EML6: variants seen among roughly 807,000 people sequenced by gnomAD.
EML6 encodes the protein EMAP like 6, also known as echinoderm microtubule-associated protein-like 6.
In EML6, 154 loss-of-function variants were observed where a neutral mutation model predicts 240.1. The ratio of observed to expected loss-of-function variants is 0.64; its 90% CI spans 0.56 to 0.73. EML6 has a LOEUF of 0.73. EML6 is among the 30% of genes least tolerant of loss of function. EML6 has a pLI of 0.00. For missense variants in EML6, 2,964 were observed against 2,474.6 expected, an observed-to-expected ratio of 1.20 and a Z score of -4.20; for synonymous variants, 1,148 against 899.0, an observed-to-expected ratio of 1.28 and a Z score of -4.95.
At chr2:54,748,016 G>C (rs1683995898) in intron 2 of EML6, among the ~76,000 whole-genome samples, 3 of 152,128 alleles carry the variant, frequency 2.0e-5, no homozygotes. Flanking sequence ...ACTTTAAAAT[G>C]TGCAAGGTAT....
intron 8 of EML6, among the ~76,000 whole-genome samples, chr2:54,844,822 C>T (rs184506719): frequency 6.6e-6 from 1 of 152,240 alleles, no homozygotes; most frequent in East Asian, 1.9e-4. Flanking sequence ...TTTTGAGAGC[C>T]CAACTGGGTA....
At chr2:54,885,038 T>A (rs1392993823) in intron 17 of EML6, among the ~76,000 whole-genome samples, 1 of 152,082 alleles carries the variant, frequency 6.6e-6, no homozygotes, top group Non-Finnish European at 1.5e-5. Context: ...GGTGCTGTAG[T>A]CCCAGCTGCT....
chr2:54,847,482 C>G lies in EML6; in HGVS notation c.1050-4C>G. ...TTTTGTTTTGACTTCGTTCTTGTGCCTAGGCTGTGGAGCCTGGCTGATCAT... is the reference window on the plus strand; with the variant it reads ...TTTTGTTTTGACTTCGTTCTTGTGCGTAGGCTGTGGAGCCTGGCTGATCAT... On this transcript the variant is annotated splice_region_variant and splice_polypyrimidine_tract_variant and intron_variant, in intron 8 of 41. Coordinates refer to ENST00000356458, the MANE Select transcript of EML6 (RefSeq NM_001039753.4). The G allele has an allele frequency of 6.4e-7, 1 of 1,551,102 alleles. No individual in the cohort carries two copies. Among genetic ancestry groups the G allele is most frequent in the Non-Finnish European group, 8.7e-7 (1 of 1,146,970 alleles).
intron 2 of EML6, among the ~76,000 whole-genome samples, chr2:54,744,369 T>C (rs897367510): frequency 1.3e-5 from 2 of 152,096 alleles, no homozygotes; most frequent in African/African-American, 4.8e-5. Context: ...CCCCGAGGGA[T>C]AAATTTGCAG....
chr2:54,960,406 T>G (rs1436928160), intron 35 of EML6, 72 bp downstream of exon 35: 2 of 1,120,998 alleles, frequency 1.8e-6, no homozygotes, highest in East Asian at 5.1e-5. Flanking sequence ...CAGCCGGCAC[T>G]TTCTCTGGGC....
chr2:54,941,612 A>C (rs1675431099), intron 28 of EML6, among the ~76,000 whole-genome samples: 1 of 152,216 alleles, frequency 6.6e-6, no homozygotes, highest in Non-Finnish European at 1.5e-5. Flanking sequence ...TGGCCCAATA[A>C]ATGGGGAGGA....
chr2:54,885,681 G>A (rs1381155697), intron 17 of EML6, among the ~76,000 whole-genome samples: 2 of 151,610 alleles, frequency 1.3e-5, no homozygotes, highest in African/African-American at 2.4e-5. Flanking sequence ...GCGCTATCTC[G>A]GCTCACTGCA....
intron 28 of EML6, among the ~76,000 whole-genome samples, chr2:54,933,158 C>G (rs1471173854): frequency 6.6e-6 from 1 of 152,170 alleles, no homozygotes; most frequent in Non-Finnish European, 1.5e-5. Flanking sequence ...AGAACTGCCT[C>G]TGATTCACAA....
chr2:54,767,317 A>G (rs1430951604), intron 2 of EML6, among the ~76,000 whole-genome samples: 2 of 152,196 alleles, frequency 1.3e-5, no homozygotes, highest in East Asian at 3.8e-4. Flanking sequence ...TAATGCATCA[A>G]CATAGATATT....
intron 2 of EML6, among the ~76,000 whole-genome samples, chr2:54,768,483 G>T (rs964831701): frequency 6.6e-6 from 1 of 152,120 alleles, no homozygotes; most frequent in African/African-American, 2.4e-5. Context: ...GCAACACAGT[G>T]ACAAGAACAC....
rs1668670641 is a variant in EML6, at chr2:54,827,833, T to C, written c.711+82T>C. On this transcript the variant is annotated intron_variant, in intron 6 of 41. Transcript: ENST00000356458. The stretch of plus-strand genomic sequence containing the variant: ...AATCCCTCCCTGTATGTTTCCCTTC[T>C]TGCTTTAGAATCAGAGAACCCTGCT... The C allele has an allele frequency of 3.9e-6, 4 of 1,014,580 alleles. No individual in the cohort carries two copies. In the South Asian group the frequency reaches 6.2e-5, roughly 16 times the overall value. 62.8% of individuals were successfully genotyped at this position (1,014,580 alleles called of 1,614,324 possible).
At chr2:54,928,857 CT>C in intron 28 of EML6, 106 bp downstream of exon 28, 1 of 1,340,256 alleles carries the variant, frequency 7.5e-7, no homozygotes, top group Non-Finnish European at 1.0e-6. Flanking sequence ...TTAAGTCAGT[CT>C]TTTATAAATC....
chr2:54,860,229 C>G (rs1424747345), intron 12 of EML6, among the ~76,000 whole-genome samples: 1 of 152,164 alleles, frequency 6.6e-6, no homozygotes, highest in Non-Finnish European at 1.5e-5. Flanking sequence ...TGCCCTAACT[C>G]TAGGTTACCC....
rs375754297 is a variant in EML6 at position 54,925,199 on chromosome 2, G to A, written c.3676-3114G>A. On this transcript the variant is annotated intron_variant, in intron 26 of 41. Transcript: ENST00000356458. ...AGCTTTCACTCTCCACACACACACC[G>A]CCCGCTCTTCCTGTGAGCACACAGT... 7.9e-5 allele frequency among the ~76,000 whole-genome samples: 12 copies of A among 152,034 alleles called. No individual in the cohort carries two copies. The East Asian group carries it at 1.4e-3, about 17-fold the overall frequency.
At chr2:54,960,176 T>C in intron 34 of EML6, 44 bp from the exon 35 acceptor site, 2 of 1,400,540 alleles carry the variant, frequency 1.4e-6, no homozygotes, top group East Asian at 2.5e-5. Context: ...TAGTGGGTCT[T>C]AGGATGAGGG....
intron 22 of EML6, 24 bp downstream of exon 22, chr2:54,899,806 C>G: frequency 6.5e-7 from 1 of 1,538,674 alleles, no homozygotes; most frequent in Non-Finnish European, 8.8e-7. Context: ...CCTTACACAT[C>G]TGTCAGAGTA....
At chr2:54,855,501 G>T (rs1670327691) in intron 11 of EML6, among the ~76,000 whole-genome samples, 1 of 125,496 alleles carries the variant, frequency 8.0e-6, no homozygotes, top group Non-Finnish European at 1.6e-5. Flanking sequence ...AATTCAACAT[G>T]AGGTTTGAGC....
intron 28 of EML6, among the ~76,000 whole-genome samples, chr2:54,941,739 C>T (rs915120279): frequency 1.3e-5 from 2 of 152,152 alleles, no homozygotes; most frequent in Non-Finnish European, 2.9e-5. Flanking sequence ...CCCAGCTCTC[C>T]CCATGGGAGA....
At chr2:54,794,360 A>G (rs1669637644) in intron 2 of EML6, among the ~76,000 whole-genome samples, 1 of 152,136 alleles carries the variant, frequency 6.6e-6, no homozygotes, top group South Asian at 2.1e-4. Flanking sequence ...TGTTCTTATT[A>G]TTGATATTAT....
Sources: allele counts gnomAD v4.1 joint callset (sites outside exome capture counted in the v4.1 genomes callset), GRCh38; gene constraint gnomAD v4.1.1; transcripts MANE v1.5; gene names NCBI Gene and HGNC (gene_info 2026-07-23, HGNC 2026-07-21).